Variants in GALNT17 observed in about 807,000 individuals in gnomAD.
GALNT17 encodes UDP-GalNAc:polypeptide N-acetylgalactosaminyltransferase-like 3.
A neutral mutation model predicts 63.7 loss-of-function variants in GALNT17; 29 were observed. That is an observed-to-expected ratio of 0.46 (90% CI 0.34 to 0.62). The LOEUF (loss-of-function observed/expected upper bound fraction) is 0.62, where lower values mean the gene tolerates loss of function less well. Ranked by LOEUF, GALNT17 falls within the 20% of genes least tolerant of loss-of-function variation. GALNT17 has a pLI of 0.01. For missense variants in GALNT17, 603 were observed against 799.6 expected (o/e 0.75, Z 2.97); for synonymous variants, 305 against 318.3 (o/e 0.96, Z 0.45).
At chr7:71,435,573 G>A (rs894973691) in intron 5 of GALNT17, among the ~76,000 whole-genome samples, 1 of 152,132 alleles carries the variant, frequency 6.6e-6, no homozygotes, top group Admixed American at 6.5e-5. Context: ...GTGCCACCCA[G>A]ATCTATAAAC....
At chr7:71,278,167 A>G (rs554721067) in intron 1 of GALNT17, among the ~76,000 whole-genome samples, 3 of 152,342 alleles carry the variant, frequency 2.0e-5, no homozygotes, top group East Asian at 1.9e-4. Flanking sequence ...TTTAATCCAC[A>G]TAACTAGTCT....
intron 1 of GALNT17, among the ~76,000 whole-genome samples, chr7:71,251,734 C>T (rs1189874452): frequency 5.3e-5 from 8 of 152,188 alleles, no homozygotes; most frequent in Admixed American, 5.2e-4. Flanking sequence ...TCCTTTTGGA[C>T]CTATATCGGA....
intron 3 of GALNT17, among the ~76,000 whole-genome samples, chr7:71,403,218 T>C (rs1479491642): frequency 6.6e-6 from 1 of 152,190 alleles, no homozygotes; most frequent in Non-Finnish European, 1.5e-5. Flanking sequence ...TCAAACTAAT[T>C]ATAGGTTCAC....
chr7:71,395,033 C>T (rs529080371), intron 3 of GALNT17, among the ~76,000 whole-genome samples: 3 of 151,992 alleles, frequency 2.0e-5, no homozygotes, highest in East Asian at 1.9e-4. Flanking sequence ...ACCTGGGAGG[C>T]GGAAGTTGCA....
intron 6 of GALNT17, among the ~76,000 whole-genome samples, chr7:71,635,826 G>T (rs530225987): frequency 6.6e-6 from 1 of 152,322 alleles, no homozygotes; most frequent in African/African-American, 2.4e-5. Context: ...CGTTGCCATG[G>T]CATTTGTAAA....
intron 1 of GALNT17, among the ~76,000 whole-genome samples, chr7:71,168,173 A>G (rs756531017): frequency 2.0e-5 from 3 of 152,092 alleles, no homozygotes; most frequent in Non-Finnish European, 4.4e-5. Context: ...TATTCTGTCC[A>G]TTGCTGTGTT....
Position 71,712,239 on chromosome 7 carries a change from G to A in GALNT17, c.*93G>A. ...GCTGCCCTGGCGGAGAGACAGCAAG[G>A]GGCCGGCAGGTGCTCGATGGGCCCC... On this transcript the variant is annotated 3_prime_UTR_variant, in exon 11 of 11. Coordinates refer to ENST00000333538, the MANE Select transcript of GALNT17 (RefSeq NM_022479.3). 1 of 1,522,602 alleles carries A rather than the reference G, an allele frequency of 6.6e-7. No individual in the cohort carries two copies. The allele number at this position is 1,522,602 out of a possible 1,614,324, so 94.3% of individuals were successfully genotyped here.
At chr7:71,407,809 A>T (rs748690060) in intron 3 of GALNT17, among the ~76,000 whole-genome samples, 1 of 152,132 alleles carries the variant, frequency 6.6e-6, no homozygotes, top group Non-Finnish European at 1.5e-5. Context: ...AAATTAACAG[A>T]CATAAAAGAC....
At chr7:71,403,984 T>G (rs753090693) in intron 3 of GALNT17, among the ~76,000 whole-genome samples, 8 of 152,250 alleles carry the variant, frequency 5.3e-5, no homozygotes, top group Non-Finnish European at 7.4e-5. Flanking sequence ...ATTGCTGAAA[T>G]TCACGTGTTA....
intron 9 of GALNT17, among the ~76,000 whole-genome samples, chr7:71,681,748 C>T (rs1584134559): frequency 6.6e-6 from 1 of 152,198 alleles, no homozygotes; most frequent in African/African-American, 2.4e-5. Flanking sequence ...TAGAGGCTAT[C>T]CCAGTTAGAT....
intron 5 of GALNT17, among the ~76,000 whole-genome samples, chr7:71,522,941 C>G (rs1202672251): frequency 5.9e-5 from 9 of 152,136 alleles, no homozygotes; most frequent in Admixed American, 5.9e-4. Flanking sequence ...TGCAGGAGCT[C>G]ATGGCTGCCA....
intron 1 of GALNT17, among the ~76,000 whole-genome samples, chr7:71,252,012 G>C (rs987790304): frequency 2.6e-5 from 4 of 152,142 alleles, no homozygotes; most frequent in African/African-American, 9.7e-5. Flanking sequence ...CCTGGAAGAA[G>C]GTGCCCCTGC....
intron 1 of GALNT17, among the ~76,000 whole-genome samples, chr7:71,242,286 T>TTTTTTTTC: frequency 7.6e-6 from 1 of 132,244 alleles, no homozygotes; most frequent in Non-Finnish European, 1.6e-5. Flanking sequence ...TTTTTTTTTT[T>TTTTTTTTC]TGAGACAGAG....
chr7:71,162,376 A>G (rs1788364979), intron 1 of GALNT17, among the ~76,000 whole-genome samples: 1 of 152,050 alleles, frequency 6.6e-6, no homozygotes, highest in Admixed American at 6.6e-5. Flanking sequence ...TGCTATGGGC[A>G]TTTGATATTG....
intron 6 of GALNT17, among the ~76,000 whole-genome samples, chr7:71,589,055 T>A (rs529248334): frequency 6.6e-6 from 1 of 151,998 alleles, no homozygotes; most frequent in Non-Finnish European, 1.5e-5. Flanking sequence ...GTTATTAGTG[T>A]GTGGAGGTAG....
chr7:71,643,455 G>A (rs762395838), intron 6 of GALNT17, among the ~76,000 whole-genome samples: 5 of 151,980 alleles, frequency 3.3e-5, no homozygotes, highest in African/African-American at 1.2e-4. Flanking sequence ...GCCACAGAGC[G>A]AGACTCTGTC....
chr7:71,426,294 G>T (rs1786759812), intron 5 of GALNT17, among the ~76,000 whole-genome samples: 1 of 152,166 alleles, frequency 6.6e-6, no homozygotes, highest in South Asian at 2.1e-4. Flanking sequence ...CCCTCATGTT[G>T]TATTATTGTG....
At chr7:71,182,797 A>C (rs1788757668) in intron 1 of GALNT17, among the ~76,000 whole-genome samples, 1 of 152,156 alleles carries the variant, frequency 6.6e-6, no homozygotes, top group Non-Finnish European at 1.5e-5. Context: ...CTCATTTGCT[A>C]ACCTGCAAAA....
At chr7:71,277,200 A>T (rs1790697670) in intron 1 of GALNT17, among the ~76,000 whole-genome samples, 1 of 152,138 alleles carries the variant, frequency 6.6e-6, no homozygotes, top group South Asian at 2.1e-4. Context: ...ACATGGGTAG[A>T]GCTGGAGACT....
Sources: gnomAD v4.1 joint callset for allele counts (sites outside exome capture counted in the v4.1 genomes callset) on GRCh38, gnomAD v4.1.1 for gene constraint, MANE v1.5 for transcripts, NCBI Gene and HGNC (gene_info 2026-07-23, HGNC 2026-07-21) for gene names.